The following SYT1 variants were observed in gnomAD, a reference collection of about 807,000 sequenced individuals.
The protein encoded by SYT1 is synaptotagmin-1.
Under a neutral mutation model 44.8 loss-of-function variants are expected in SYT1, and 8 were observed. The ratio of observed to expected loss-of-function variants is 0.18; its 90% CI spans 0.10 to 0.32. SYT1 has a LOEUF of 0.32. SYT1 is among the 10% of genes least tolerant of loss of function. The pLI, the probability that SYT1 is intolerant of heterozygous loss-of-function variation, is 1.00. For synonymous variants in SYT1, 154 were observed against 188.8 expected, an observed-to-expected ratio of 0.82 and a Z score of 1.51; for missense variants, 286 against 509.3, an observed-to-expected ratio of 0.56 and a Z score of 4.22.
chr12:79,116,354 G>C (rs1019824963), intron 3 of SYT1, among the ~76,000 whole-genome samples: 7 of 152,250 alleles, frequency 4.6e-5, no homozygotes, highest in African/African-American at 1.7e-4. Context: ...AGTGCTTGGG[G>C]TTTTACACTG....
intron 9 of SYT1, among the ~76,000 whole-genome samples, chr12:79,425,096 A>G (rs77718690): frequency 1.0e-3 from 155 of 150,116 alleles, no homozygotes; most frequent in African/African-American, 3.2e-3. Context: ...CAGATCTAAT[A>G]TTTTCCTTCC....
intron 1 of SYT1, among the ~76,000 whole-genome samples, chr12:78,875,694 G>A (rs1874030564): frequency 6.6e-6 from 1 of 151,616 alleles, no homozygotes. Flanking sequence ...TTAAATATAT[G>A]CTGTCTCATT....
intron 3 of SYT1, among the ~76,000 whole-genome samples, chr12:79,068,075 G>C (rs1246871670): frequency 6.6e-6 from 1 of 152,076 alleles, no homozygotes; most frequent in African/African-American, 2.4e-5. Context: ...TATCAATTTG[G>C]GTTGAAGTTG....
At chr12:79,377,315 T>A (rs184573811) in intron 9 of SYT1, among the ~76,000 whole-genome samples, 1 of 152,096 alleles carries the variant, frequency 6.6e-6, no homozygotes, top group Non-Finnish European at 1.5e-5. Context: ...GTTTCACCGT[T>A]TTAGCCAGGA....
intron 2 of SYT1, among the ~76,000 whole-genome samples, chr12:79,026,669 A>ATATATATATATATATATATATATATATTT: frequency 3.8e-5 from 1 of 26,380 alleles, no homozygotes; most frequent in East Asian, 3.2e-3. Context: ...TATATATTTT[A>ATATATATATATATATATATATATATATTT]TATATATATA....
At chr12:79,285,712 T>A in intron 4 of SYT1, 75 bp from the exon 5 acceptor site, 1 of 1,154,382 alleles carries the variant, frequency 8.7e-7, no homozygotes, top group Non-Finnish European at 1.2e-6. Context: ...AATGAATATC[T>A]TTATAGCCCA....
At chr12:79,417,370 C>A (rs571071593) in intron 9 of SYT1, among the ~76,000 whole-genome samples, 1 of 152,070 alleles carries the variant, frequency 6.6e-6, no homozygotes, top group East Asian at 1.9e-4. Flanking sequence ...GTTGCTCATT[C>A]CTCCTAAATC....
At chr12:78,971,220 A>G (rs1868372607) in intron 1 of SYT1, among the ~76,000 whole-genome samples, 1 of 152,196 alleles carries the variant, frequency 6.6e-6, no homozygotes, top group African/African-American at 2.4e-5. Context: ...CTTTCAGCAA[A>G]TCTCTAGACT....
intron 3 of SYT1, among the ~76,000 whole-genome samples, chr12:79,121,738 CAAAAAATAA>C (rs1879611126): frequency 6.6e-6 from 1 of 152,110 alleles, no homozygotes; most frequent in African/African-American, 2.4e-5. Flanking sequence ...TAGATGCTTT[CAAAAAATAA>C]AATTCTGGAG....
chr12:79,236,117 A>G (rs1429127245), intron 4 of SYT1, among the ~76,000 whole-genome samples: 1 of 152,144 alleles, frequency 6.6e-6, no homozygotes, highest in Non-Finnish European at 1.5e-5. Flanking sequence ...CTATATTGTA[A>G]GAGTCTCTTA....
intron 1 of SYT1, among the ~76,000 whole-genome samples, chr12:78,936,999 T>C (rs1427913053): frequency 6.6e-6 from 1 of 151,994 alleles, no homozygotes; most frequent in Non-Finnish European, 1.5e-5. Flanking sequence ...GGCTCCCAGG[T>C]CCTTGAGAAA....
At chr12:78,890,929 A>G (rs1458445274) in intron 1 of SYT1, among the ~76,000 whole-genome samples, 1 of 151,940 alleles carries the variant, frequency 6.6e-6, no homozygotes, top group Non-Finnish European at 1.5e-5. Context: ...ATGCCATAGA[A>G]CTATGCTCCT....
At chr12:79,103,260 T>G (rs1259606729) in intron 3 of SYT1, among the ~76,000 whole-genome samples, 1 of 152,160 alleles carries the variant, frequency 6.6e-6, no homozygotes, top group Non-Finnish European at 1.5e-5. Context: ...AAATCATCCC[T>G]AATCCTTTAA....
At chr12:79,112,699 T>C (rs1879081927) in intron 3 of SYT1, among the ~76,000 whole-genome samples, 1 of 152,110 alleles carries the variant, frequency 6.6e-6, no homozygotes, top group African/African-American at 2.4e-5. Flanking sequence ...TTCCCTCAAA[T>C]AGATAAAATG....
chr12:79,285,649 T>G, intron 4 of SYT1, 138 bp from the exon 5 acceptor site: 1 of 611,528 alleles, frequency 1.6e-6, no homozygotes, highest in Non-Finnish European at 2.8e-6. Flanking sequence ...GATAAAGTAC[T>G]GAGGAATGGT....
intron 1 of SYT1, among the ~76,000 whole-genome samples, chr12:78,920,070 G>T (rs926309306): frequency 6.6e-6 from 1 of 151,084 alleles, no homozygotes; most frequent in Non-Finnish European, 1.5e-5. Context: ...GAAATACTAA[G>T]GCAGAAAAAT....
chr12:78,973,935 AAAAATATATATATATATAT>A (rs1565743915), intron 1 of SYT1, among the ~76,000 whole-genome samples: 7 of 26,532 alleles, frequency 2.6e-4, no homozygotes, highest in Non-Finnish European at 3.8e-4. Context: ...AAAAAAAAAA[AAAAATATATATATATATAT>A]ATATATATAT....
chr12:78,882,447 G>A (rs1874510997), intron 1 of SYT1, among the ~76,000 whole-genome samples: 1 of 151,608 alleles, frequency 6.6e-6, no homozygotes, highest in Non-Finnish European at 1.5e-5. Context: ...ATTCAGCAAT[G>A]TAATATGGCT....
chr12:78,945,436 TCATA>T (rs1434669925), intron 1 of SYT1, among the ~76,000 whole-genome samples: 1 of 150,552 alleles, frequency 6.6e-6, no homozygotes, highest in East Asian at 1.9e-4. Context: ...CATAATATAT[TCATA>T]CATATTTTAC....
Sources: allele counts gnomAD v4.1 joint callset (sites outside exome capture counted in the v4.1 genomes callset), GRCh38; gene constraint gnomAD v4.1.1; transcripts MANE v1.5; gene names NCBI Gene and HGNC (gene_info 2026-07-23, HGNC 2026-07-21).